Variants in CCSER1 observed in about 807,000 individuals in gnomAD.
CCSER1 encodes the protein serine-rich coiled-coil domain-containing protein 1.
In CCSER1, 41 loss-of-function variants were observed where a neutral mutation model predicts 82.0. The observed-to-expected ratio is 0.50, with a 90% CI of 0.39 to 0.65. CCSER1 has a LOEUF of 0.65. Among genes scored for constraint, CCSER1 ranks in the 30% least tolerant of loss-of-function variants. The pLI, the probability that CCSER1 is intolerant of heterozygous loss-of-function variation, is 0.00. For synonymous variants in CCSER1, 414 were observed against 383.9 expected (o/e 1.08, Z -0.92); for missense variants, 1,119 against 1,064.2 (o/e 1.05, Z -0.72).
chr4:90,836,339 A>G (rs941495206), intron 8 of CCSER1, among the ~76,000 whole-genome samples: 4 of 151,168 alleles, frequency 2.6e-5, no homozygotes, highest in African/African-American at 9.9e-5. Flanking sequence ...CTTTTGTATT[A>G]GAAAAACAAA....
At chr4:90,333,463 A>G (rs78579604) in intron 3 of CCSER1, among the ~76,000 whole-genome samples, 4 of 152,252 alleles carry the variant, frequency 2.6e-5, no homozygotes, top group Non-Finnish European at 5.9e-5. Flanking sequence ...CAAGAAAAAA[A>G]TCAGAAGAAA....
chr4:91,192,221 T>TAAAAGGCAA (rs1410892138), intron 10 of CCSER1, among the ~76,000 whole-genome samples: 2 of 152,098 alleles, frequency 1.3e-5, no homozygotes, highest in Non-Finnish European at 2.9e-5. Context: ...GGACTTGCCT[T>TAAAAGGCAA]TTAATTGTGG....
intron 5 of CCSER1, among the ~76,000 whole-genome samples, chr4:90,511,019 A>C (rs1231108067): frequency 6.6e-6 from 1 of 152,228 alleles, no homozygotes. Flanking sequence ...AGAGACTGGA[A>C]GGGAGTTGCC....
At chr4:91,381,774 C>T (rs1376257844) in intron 10 of CCSER1, among the ~76,000 whole-genome samples, 1 of 152,204 alleles carries the variant, frequency 6.6e-6, no homozygotes, top group African/African-American at 2.4e-5. Flanking sequence ...AGCTTTGCTC[C>T]ATTGCTGGTG....
intron 7 of CCSER1, among the ~76,000 whole-genome samples, chr4:90,784,428 T>C (rs116010046): frequency 0.025 from 3,881 of 152,252 alleles, 147 homozygotes; most frequent in African/African-American, 0.085. Flanking sequence ...TCAATAACAA[T>C]GTGTTCCAAA....
chr4:90,940,898 T>G (rs2150326722), intron 9 of CCSER1, among the ~76,000 whole-genome samples: 1 of 152,246 alleles, frequency 6.6e-6, no homozygotes, highest in African/African-American at 2.4e-5. Context: ...CAGGGTTTTG[T>G]TTTGTTTTCC....
chr4:90,620,370 C>A (rs1261991939), intron 5 of CCSER1, among the ~76,000 whole-genome samples: 1 of 152,080 alleles, frequency 6.6e-6, no homozygotes, highest in Non-Finnish European at 1.5e-5. Context: ...TAGGCTTGAG[C>A]TTTCCTATAT....
intron 10 of CCSER1, among the ~76,000 whole-genome samples, chr4:91,177,964 C>T (rs1475202082): frequency 6.6e-6 from 1 of 152,096 alleles, no homozygotes; most frequent in Non-Finnish European, 1.5e-5. Context: ...ATAAATTTCC[C>T]TCTACATACC....
At chr4:90,900,247 T>G (rs6840937) in intron 8 of CCSER1, among the ~76,000 whole-genome samples, 2 of 151,792 alleles carry the variant, frequency 1.3e-5, no homozygotes, top group Non-Finnish European at 2.9e-5. Flanking sequence ...TTCTAGATTG[T>G]CTGCGTAGAG....
chr4:90,618,570 T>C (rs2148864685), intron 5 of CCSER1, among the ~76,000 whole-genome samples: 1 of 152,072 alleles, frequency 6.6e-6, no homozygotes, highest in East Asian at 1.9e-4. Context: ...TAGGCTCGAT[T>C]TTATTTTAGT....
chr4:90,290,643 T>C (rs1730756540), intron 1 of CCSER1, among the ~76,000 whole-genome samples: 1 of 151,946 alleles, frequency 6.6e-6, no homozygotes, highest in African/African-American at 2.4e-5. Context: ...CTCGCTCGCT[T>C]GTTTTTTGTT....
intron 5 of CCSER1, among the ~76,000 whole-genome samples, chr4:90,475,038 T>C (rs1442214330): frequency 6.6e-6 from 1 of 152,082 alleles, no homozygotes; most frequent in East Asian, 1.9e-4. Flanking sequence ...AGTTGAACTA[T>C]AAGTGTAACA....
chr4:90,580,039 AATT>A (rs1781255416), intron 5 of CCSER1, among the ~76,000 whole-genome samples: 1 of 152,170 alleles, frequency 6.6e-6, no homozygotes, highest in Non-Finnish European at 1.5e-5. Context: ...TAGAAAAACT[AATT>A]ATTGTTTTTT....
intron 10 of CCSER1, among the ~76,000 whole-genome samples, chr4:91,497,879 A>G (rs1434738443): frequency 6.6e-6 from 1 of 151,938 alleles, no homozygotes; most frequent in South Asian, 2.1e-4. Context: ...TTTAACCTCT[A>G]GAAGTATCTT....
chr4:90,908,871 G>C (rs745433101), intron 8 of CCSER1, among the ~76,000 whole-genome samples: 1 of 152,168 alleles, frequency 6.6e-6, no homozygotes, highest in African/African-American at 2.4e-5. Context: ...TATGGATGAA[G>C]ACAGGAAAAT....
At position 90,719,554 on chromosome 4, in the gene CCSER1, C is replaced by T. The variant is rs540094744; in HGVS notation, c.1933-4360C>T. On this transcript the variant is annotated intron_variant, in intron 6 of 10. Transcript: ENST00000509176. ...AGACCATTGCTTTATTATTGTTGTT[C>T]GCCATGCTTTCTCAGTGAAAGTTTC... Among the ~76,000 whole-genome samples, 49 of 152,182 alleles carry T rather than the reference C, an allele frequency of 3.2e-4. No individual in the cohort carries two copies. In the Middle Eastern group the frequency reaches 0.014, roughly 42 times the overall value.
intron 6 of CCSER1, among the ~76,000 whole-genome samples, chr4:90,687,947 T>C (rs1560943641): frequency 6.6e-6 from 1 of 152,148 alleles, no homozygotes; most frequent in Non-Finnish European, 1.5e-5. Context: ...CCTGTCCTCA[T>C]CCCAGTCACC....
intron 10 of CCSER1, among the ~76,000 whole-genome samples, chr4:91,482,923 A>G (rs1758018336): frequency 6.6e-6 from 1 of 152,090 alleles, no homozygotes; most frequent in Admixed American, 6.5e-5. Context: ...GAAGGGGAAC[A>G]TCACACACCA....
At chr4:91,059,320 A>T (rs919198398) in intron 9 of CCSER1, among the ~76,000 whole-genome samples, 2 of 150,316 alleles carry the variant, frequency 1.3e-5, no homozygotes, top group African/African-American at 4.9e-5. Context: ...GTATATATAT[A>T]TACATATAGT....
Sources: allele counts gnomAD v4.1 joint callset (sites outside exome capture counted in the v4.1 genomes callset), GRCh38; gene constraint gnomAD v4.1.1; transcripts MANE v1.5; gene names NCBI Gene and HGNC (gene_info 2026-07-23, HGNC 2026-07-21).